COL18A1: variants seen among roughly 807,000 people sequenced by gnomAD.
COL18A1 encodes the protein collagen type XVIII alpha 1 chain, also known as collagen alpha-1(XVIII) chain.
In COL18A1, 133 loss-of-function variants were observed where a neutral mutation model predicts 168.0. That is an observed-to-expected ratio of 0.79 (90% CI 0.69 to 0.91). The LOEUF (loss-of-function observed/expected upper bound fraction) is 0.91. Ranked by LOEUF, COL18A1 falls within the 40% of genes least tolerant of loss-of-function variation. COL18A1 has a pLI of 0.00. For missense variants in COL18A1, 2,126 were observed against 1,925.4 expected (o/e 1.10, Z -1.95); for synonymous variants, 949 against 809.0 (o/e 1.17, Z -2.94).
intron 31 of COL18A1, 142 bp from the exon 32 acceptor site, chr21:45,497,457 C>T (rs1317204253): frequency 4.2e-6 from 5 of 1,194,874 alleles, no homozygotes; most frequent in Middle Eastern, 2.7e-4. Flanking sequence ...TCTCCAGCAG[C>T]TCCTACCCTG....
chr21:45,461,212 T>A (rs925337786), intron 2 of COL18A1, among the ~76,000 whole-genome samples: 10 of 152,150 alleles, frequency 6.6e-5, no homozygotes, highest in Non-Finnish European at 1.5e-5. Flanking sequence ...TCACATTTCC[T>A]CTTCTCTGTG....
chr21:45,441,398 T>C lies in COL18A1; in HGVS notation c.107-26844T>C, dbSNP rs957811932. 3.9e-5 allele frequency among the ~76,000 whole-genome samples: 6 copies of C among 152,210 alleles called. No individual in the cohort carries two copies. The South Asian group carries it at 1.0e-3, about 26-fold the overall frequency. On this transcript the variant is annotated intron_variant, in intron 2 of 41. Transcript: ENST00000651438. Reference sequence around the variant, plus strand: ...CACAGATGCCCAGGTAGAGTTTTCCTGTGTTAAATCATAAAACCCCCACAT... The same window carrying C: ...CACAGATGCCCAGGTAGAGTTTTCCCGTGTTAAATCATAAAACCCCCACAT...
At chr21:45,446,846 C>T (rs2034514318) in intron 2 of COL18A1, among the ~76,000 whole-genome samples, 1 of 152,216 alleles carries the variant, frequency 6.6e-6, no homozygotes. Context: ...GTTGGTTTAA[C>T]ACTTGAAAAT....
At chr21:45,438,181 CACTCAG>C (rs1346827342) in intron 2 of COL18A1, among the ~76,000 whole-genome samples, 2 of 129,684 alleles carry the variant, frequency 1.5e-5, no homozygotes, top group Non-Finnish European at 3.2e-5. Context: ...CACACACTCA[CACTCAG>C]ACACACAGGC....
chr21:45,494,836 T>G (rs774723254), intron 27 of COL18A1, 26 bp from the exon 28 acceptor site: 1 of 1,599,290 alleles, frequency 6.3e-7, no homozygotes, highest in Non-Finnish European at 8.5e-7. Flanking sequence ...TCTGCCCCAC[T>G]AAGCCTGGCC....
intron 2 of COL18A1, chr21:45,467,308 T>G (rs2035246899): frequency 1.0e-6 from 1 of 985,114 alleles, no homozygotes; most frequent in Non-Finnish European, 1.2e-6. Flanking sequence ...GGCTACTGAG[T>G]CGAAGTGAAG....
intron 41 of COL18A1, among the ~76,000 whole-genome samples, chr21:45,511,961 C>T (rs1001746315): frequency 1.3e-5 from 2 of 152,222 alleles, no homozygotes; most frequent in African/African-American, 4.8e-5. Flanking sequence ...TCCCCTCTGC[C>T]GTGGGTGTGT....
chr21:45,489,787 G>A (rs1010518637), intron 19 of COL18A1, among the ~76,000 whole-genome samples: 2 of 141,290 alleles, frequency 1.4e-5, no homozygotes, highest in Non-Finnish European at 3.2e-5. Context: ...AGGCCCCGTC[G>A]GCCCCTGCCA....
At chr21:45,438,027 CACAG>C (rs1172664340) in intron 2 of COL18A1, among the ~76,000 whole-genome samples, 3 of 125,798 alleles carry the variant, frequency 2.4e-5, no homozygotes, top group Non-Finnish European at 4.9e-5. Context: ...CTCACTCACA[CACAG>C]ACACACAGGC....
At chr21:45,494,213 C>A (rs1487318517) in intron 26 of COL18A1, 1 of 517,246 alleles carries the variant, frequency 1.9e-6, no homozygotes, top group East Asian at 3.4e-5. Flanking sequence ...GGAGCTGGGG[C>A]CTGTGGCAAC....
Position 45,468,430 on chromosome 21 carries a change from C to T in COL18A1, c.295C>T (p.Arg99Trp), listed in dbSNP as rs199918230. The part of the protein sequence containing the change: ...FRDFSLLFHI[R>W]PATEGPGVLF... ...TGACTTCTCACTGCTGTTCCACATC[C>T]GGCCAGCCACAGAGGGCCCAGGGGT... is the stretch of plus-strand genomic sequence containing the variant. The change falls in exon 3 of 42, where the codon CGG (arginine) becomes TGG (tryptophan). Residue 99 changes from arginine (R) to tryptophan (W), a missense_variant. Transcript: ENST00000651438. 315 of 1,614,056 alleles carry T rather than the reference C, an allele frequency of 2.0e-4. 2 individuals are homozygous for T. The Admixed American group carries it at 2.5e-3, about 13-fold the overall frequency.
chr21:45,512,060 G>A (rs1172859486), intron 41 of COL18A1, 128 bp from the exon 42 acceptor site: 3 of 1,005,982 alleles, frequency 3.0e-6, no homozygotes, highest in African/African-American at 1.6e-5. Flanking sequence ...TCCAGGTTGT[G>A]GGAGCCTCTG....
chr21:45,430,260 C>CT (rs1487475521), intron 2 of COL18A1, among the ~76,000 whole-genome samples: 3 of 152,142 alleles, frequency 2.0e-5, no homozygotes, highest in Non-Finnish European at 4.4e-5. Context: ...TGGGGGCCGC[C>CT]ATCTTTCTAG....
Position 45,405,459 on chromosome 21 carries a change from C to T in COL18A1, c.92C>T (p.Ala31Val). The T allele has an allele frequency of 7.3e-7, 1 of 1,378,844 alleles. No individual in the cohort carries two copies. Among genetic ancestry groups the T allele is most frequent in the Non-Finnish European group, 9.5e-7 (1 of 1,058,154 alleles). 85.4% of individuals were successfully genotyped at this position (1,378,844 alleles called of 1,614,324 possible). ...GTCCTGCTGCTCGGGGTCCGCGCGG[C>T]CTCCGCGGAGCCAGGTAAGACCCGG... The part of the protein sequence containing the change: ...PLVLLLGVRA[A>V]SAEPERISEE... The change falls in exon 2 of 42, where the codon GCC becomes GTC. Residue 31 changes from alanine to valine, a missense_variant. Physicochemically the swap from Ala to Val is moderately conservative, Grantham distance 64. Coordinates refer to ENST00000651438, the MANE Select transcript of COL18A1 (RefSeq NM_001379500.1).
In COL18A1 at chr21:45,414,580, C is replaced by T. The variant is rs116898213; in HGVS notation, c.106+9107C>T. 2.1e-3 allele frequency among the ~76,000 whole-genome samples: 324 copies of T among 152,294 alleles called. 8 individuals are homozygous for T. The East Asian group carries it at 0.047, about 22-fold the overall frequency. On this transcript the variant is annotated intron_variant, in intron 2 of 41. Coordinates refer to ENST00000651438, the MANE Select transcript of COL18A1 (RefSeq NM_001379500.1). ...GACAAGGCTCGGACCCTGCGGCCGA[C>T]TCTGCCCCAGGCCTGGCCCCTGCTG...
Position 45,437,652 on chromosome 21 carries a change from G to GCA in COL18A1, c.107-30578_107-30577dup, listed in dbSNP as rs147554147. ...CACACACTCACACAGGCACTCTCCT[G>GCA]CACACACACACACTCAGACACACAG... On this transcript the variant is annotated intron_variant, in intron 2 of 41. Coordinates refer to ENST00000651438, the MANE Select transcript of COL18A1 (RefSeq NM_001379500.1). 2.1e-4 allele frequency among the ~76,000 whole-genome samples: 7 copies of GCA among 32,560 alleles called. 1 individual carries two copies. The highest frequency in any genetic ancestry group is 3.9e-4 in the African/African-American group (2 of 5,162). 21.4% of individuals were successfully genotyped at this position (32,560 alleles called of 152,430 possible). A position where few individuals can be genotyped will look rare whatever the true frequency, so the allele number is the denominator to read the frequency against.
At chr21:45,454,814 CTG>C (rs1439563630) in intron 2 of COL18A1, among the ~76,000 whole-genome samples, 1 of 152,206 alleles carries the variant, frequency 6.6e-6, no homozygotes, top group Non-Finnish European at 1.5e-5. Flanking sequence ...GACGGGGAGA[CTG>C]AGGCCGGGAA....
chr21:45,467,476 G>A, intron 2 of COL18A1: 5 of 970,004 alleles, frequency 5.2e-6, no homozygotes, highest in Non-Finnish European at 6.1e-6. Context: ...AGGGGAATCA[G>A]CATGGGGGGG....
chr21:45,447,821 G>A (rs759236441), intron 2 of COL18A1, among the ~76,000 whole-genome samples: 22 of 152,016 alleles, frequency 1.4e-4, no homozygotes, highest in African/African-American at 4.8e-4. Context: ...CTTTTGGTTC[G>A]CCCTCAGTGA....
Sources: allele counts gnomAD v4.1 joint callset (sites outside exome capture counted in the v4.1 genomes callset), GRCh38; gene constraint gnomAD v4.1.1; transcripts MANE v1.5; gene names NCBI Gene and HGNC (gene_info 2026-07-23, HGNC 2026-07-21).